UBE2E2: variants seen among roughly 807,000 people sequenced by gnomAD.
UBE2E2 encodes the protein ubiquitin-conjugating enzyme E2 E2.
In UBE2E2, 6 loss-of-function variants were observed where a neutral mutation model predicts 24.7. The observed-to-expected ratio is 0.24, with a 90% CI of 0.13 to 0.48. The LOEUF (loss-of-function observed/expected upper bound fraction) is 0.48, where lower values mean the gene tolerates loss of function less well. UBE2E2 is among the 20% of genes least tolerant of loss of function. The pLI, the probability that UBE2E2 is intolerant of heterozygous loss-of-function variation, is 0.99. For synonymous variants in UBE2E2, 104 were observed against 83.6 expected, an observed-to-expected ratio of 1.24 and a Z score of -1.33; for missense variants, 169 against 245.0, an observed-to-expected ratio of 0.69 and a Z score of 2.07.
rs1696726742 is a variant in UBE2E2, at chr3:23,590,096, A to G, written c.*265A>G. 2.7e-6 allele frequency: 1 copy of G among 374,182 alleles called. No homozygotes were observed. The highest frequency in any genetic ancestry group is 7.4e-5 in the South Asian group (1 of 13,434). The allele number at this position is 374,182 out of a possible 1,614,324, so 23.2% of individuals were successfully genotyped here. Reference sequence around the variant, plus strand: ...ATTTGGGATTTTTTCCCACCTCATCATAGATGGGAACTTTTGTTTTCAGTG... The same window carrying G: ...ATTTGGGATTTTTTCCCACCTCATCGTAGATGGGAACTTTTGTTTTCAGTG... On this transcript the variant is annotated 3_prime_UTR_variant, in exon 6 of 6. Transcript: ENST00000396703.
chr3:23,453,966 A>T (rs1358749179), intron 3 of UBE2E2, among the ~76,000 whole-genome samples: 2 of 152,194 alleles, frequency 1.3e-5, no homozygotes, highest in Non-Finnish European at 2.9e-5. Context: ...ACTTAAAGGT[A>T]TAGTTTTCTA....
chr3:23,535,322 C>T (rs769283447), intron 5 of UBE2E2, among the ~76,000 whole-genome samples: 2 of 152,106 alleles, frequency 1.3e-5, no homozygotes, highest in African/African-American at 4.8e-5. Context: ...CAAATGGGCC[C>T]ACAATAGGTG....
chr3:23,563,953 A>T (rs1454324197), intron 5 of UBE2E2, among the ~76,000 whole-genome samples: 2 of 149,232 alleles, frequency 1.3e-5, no homozygotes, highest in African/African-American at 2.5e-5. Flanking sequence ...TAGAGGGTTG[A>T]TTTAAGCTTC....
intron 3 of UBE2E2, among the ~76,000 whole-genome samples, chr3:23,424,015 G>A (rs1048704674): frequency 6.6e-6 from 1 of 152,140 alleles, no homozygotes; most frequent in Non-Finnish European, 1.5e-5. Context: ...ACATTACTGA[G>A]AATTTTGAGA....
chr3:23,350,682 G>C (rs1695719899), intron 3 of UBE2E2, among the ~76,000 whole-genome samples: 2 of 152,138 alleles, frequency 1.3e-5, no homozygotes, highest in Admixed American at 1.3e-4. Flanking sequence ...GGGAAGTTTA[G>C]AGAAAAAAGA....
intron 3 of UBE2E2, among the ~76,000 whole-genome samples, chr3:23,261,174 AT>A (rs373005556): frequency 4.2e-3 from 610 of 145,868 alleles, no homozygotes; most frequent in Non-Finnish European, 3.8e-3. Context: ...CTGTGGTAGA[AT>A]TTTTTTTTTT....
intron 5 of UBE2E2, among the ~76,000 whole-genome samples, chr3:23,549,965 G>A (rs1241707658): frequency 2.6e-5 from 4 of 151,022 alleles, no homozygotes; most frequent in South Asian, 2.1e-4. Flanking sequence ...CCTAGGAGGC[G>A]CAGGCTGTAG....
chr3:23,341,446 T>C (rs1450567309), intron 3 of UBE2E2, among the ~76,000 whole-genome samples: 3 of 152,186 alleles, frequency 2.0e-5, no homozygotes, highest in Non-Finnish European at 4.4e-5. Flanking sequence ...TTTGGACATA[T>C]GAACTCTGGT....
intron 5 of UBE2E2, among the ~76,000 whole-genome samples, chr3:23,565,241 C>T (rs569714336): frequency 5.3e-5 from 8 of 151,958 alleles, no homozygotes; most frequent in African/African-American, 1.4e-4. Flanking sequence ...GGTATATGAA[C>T]GTGTCAGGAA....
intron 3 of UBE2E2, among the ~76,000 whole-genome samples, chr3:23,485,961 G>C (rs769875634): frequency 3.3e-5 from 5 of 152,202 alleles, no homozygotes; most frequent in Non-Finnish European, 7.3e-5. Flanking sequence ...AACAACAGTA[G>C]TGTCATGGGA....
chr3:23,499,542 A>T (rs1351250434), intron 3 of UBE2E2, 66 bp from the exon 4 acceptor site: 1 of 1,553,548 alleles, frequency 6.4e-7, no homozygotes, highest in Non-Finnish European at 8.7e-7. Flanking sequence ...TATCATAAAT[A>T]GATTTTGTTA....
intron 5 of UBE2E2, among the ~76,000 whole-genome samples, chr3:23,563,180 C>A (rs1479558825): frequency 1.3e-5 from 2 of 152,148 alleles, no homozygotes; most frequent in Non-Finnish European, 2.9e-5. Context: ...AATTTTAGAT[C>A]TTTCCTGCTT....
In UBE2E2 at chr3:23,474,694, C is replaced by T. The variant is rs559827740; in HGVS notation, c.228-24914C>T. 1.4e-4 allele frequency among the ~76,000 whole-genome samples: 22 copies of T among 152,152 alleles called. No homozygotes were observed. The highest frequency in any genetic ancestry group is 2.6e-4 in the Admixed American group (4 of 15,284). On this transcript the variant is annotated intron_variant, in intron 3 of 5. Coordinates refer to ENST00000396703, the MANE Select transcript of UBE2E2 (RefSeq NM_152653.4). This position sits in a 1 kb window ranked among gnomAD's most constrained non-coding sequence, Gnocchi z 4.0. ...TGTTTCCACTTATGTGGTAATAATG[C>T]GTTAGACCAATTACAGTCTTACACA...
At chr3:23,403,293 C>G (rs1295998007) in intron 3 of UBE2E2, among the ~76,000 whole-genome samples, 1 of 152,158 alleles carries the variant, frequency 6.6e-6, no homozygotes, top group African/African-American at 2.4e-5. Context: ...CACATCTTCC[C>G]AACATTTTCA....
intron 4 of UBE2E2, among the ~76,000 whole-genome samples, chr3:23,531,699 A>G (rs1168999611): frequency 6.6e-6 from 1 of 152,264 alleles, no homozygotes; most frequent in African/African-American, 2.4e-5. Flanking sequence ...TGTAACTACT[A>G]TAATTATACT....
At chr3:23,335,407 C>T (rs145591212) in intron 3 of UBE2E2, among the ~76,000 whole-genome samples, 2 of 152,038 alleles carry the variant, frequency 1.3e-5, no homozygotes, top group South Asian at 2.1e-4. Context: ...AAGGCATTTT[C>T]GGGGGTAGAT....
intron 3 of UBE2E2, among the ~76,000 whole-genome samples, chr3:23,355,782 A>G (rs1003525219): frequency 6.6e-6 from 1 of 152,164 alleles, no homozygotes; most frequent in Admixed American, 6.5e-5. Context: ...TCCTTTTTCT[A>G]TAACAGTTAT....
chr3:23,309,902 A>T lies in UBE2E2; in HGVS notation c.227+92590A>T, dbSNP rs1177012239. On this transcript the variant is annotated intron_variant, in intron 3 of 5. Transcript: ENST00000396703. Reference sequence around the variant, plus strand: ...GTGGTTGGCTTCCACCAGAGCAAACAGTCTAGAGGAAGGTGGAGGAAGATG... The same window carrying T: ...GTGGTTGGCTTCCACCAGAGCAAACTGTCTAGAGGAAGGTGGAGGAAGATG... 2.0e-5 allele frequency among the ~76,000 whole-genome samples: 3 copies of T among 152,134 alleles called. No homozygotes were observed. In the East Asian group the frequency reaches 5.8e-4, roughly 29 times the overall value.
chr3:23,552,182 C>A lies in UBE2E2; in HGVS notation c.508+19481C>A, dbSNP rs1428477057. ...GTATGGCCACCCGGGCAGACTAATACAGGTGTATTAAAGTTTTAGTCAGCA... is the reference window on the plus strand; with the variant it reads ...GTATGGCCACCCGGGCAGACTAATAAAGGTGTATTAAAGTTTTAGTCAGCA... On this transcript the variant is annotated intron_variant, in intron 5 of 5. Coordinates refer to ENST00000396703, the MANE Select transcript of UBE2E2 (RefSeq NM_152653.4). 2.6e-5 allele frequency among the ~76,000 whole-genome samples: 4 copies of A among 152,126 alleles called. No homozygotes were observed. The East Asian group carries it at 5.8e-4, about 22-fold the overall frequency.
Sources: allele counts gnomAD v4.1 joint callset (sites outside exome capture counted in the v4.1 genomes callset), GRCh38; gene constraint gnomAD v4.1.1; non-coding constraint Gnocchi (gnomAD v3.1); transcripts MANE v1.5; gene names NCBI Gene and HGNC (gene_info 2026-07-23, HGNC 2026-07-21).